The following AHCTF1 variants were observed in gnomAD, a reference collection of about 807,000 sequenced individuals.
AHCTF1 encodes protein ELYS.
AHCTF1 carries 24 observed loss-of-function variants against 248.4 expected under a neutral mutation model. The ratio of observed to expected loss-of-function variants is 0.10; its 90% confidence interval spans 0.07 to 0.14. AHCTF1 has a LOEUF of 0.14. Ranked by LOEUF, AHCTF1 falls within the 10% of genes least tolerant of loss-of-function variation. The pLI, the probability that AHCTF1 is intolerant of heterozygous loss-of-function variation, is 1.00. For missense variants in AHCTF1, 2,206 were observed against 2,636.2 expected (o/e 0.84, Z 3.57); for synonymous variants, 786 against 929.8 (o/e 0.85, Z 2.81).
chr1:246,877,320 CAA>C lies in AHCTF1; in HGVS notation c.2661-20_2661-19del. 1.9e-6 allele frequency: 3 copies of C among 1,541,234 alleles called. No homozygotes were observed. The highest frequency in any genetic ancestry group is 2.3e-5 in the East Asian group (1 of 43,916). On this transcript the variant is annotated intron_variant, in intron 21 of 35. Coordinates refer to ENST00000648844, the MANE Select transcript of AHCTF1 (RefSeq NM_001323342.2). ...CCATACACCTGAAAGCAGTATTTAT[CAA>C]AGTTTAGTTTTAGAAAAAGCTATTT...
intron 4 of AHCTF1, among the ~76,000 whole-genome samples, chr1:246,910,630 A>C (rs1283443712): frequency 1.3e-5 from 2 of 152,168 alleles, no homozygotes; most frequent in Admixed American, 6.5e-5. Flanking sequence ...ATCTTCAATA[A>C]AAAAATTTAA....
At chr1:246,894,809 T>C (rs1664454771) in intron 13 of AHCTF1, 61 bp from the exon 14 acceptor site, 5 of 1,437,488 alleles carry the variant, frequency 3.5e-6, no homozygotes, top group South Asian at 1.2e-5. Context: ...GAGTTCTAAA[T>C]TGTTGGTGGA....
intron 34 of AHCTF1, 69 bp downstream of exon 34, chr1:246,843,726 T>C: frequency 9.9e-7 from 1 of 1,009,698 alleles, no homozygotes. Context: ...AAAATAATTT[T>C]ATTAAAACAT....
chr1:246,927,757 T>G (rs1262847287), intron 1 of AHCTF1, among the ~76,000 whole-genome samples: 1 of 151,754 alleles, frequency 6.6e-6, no homozygotes, highest in African/African-American at 2.4e-5. Context: ...GTAATCCCAG[T>G]ACTTTGGGAG....
At chr1:246,889,848 C>G (rs1474054193) in intron 17 of AHCTF1, 118 bp downstream of exon 17, 2 of 677,086 alleles carry the variant, frequency 3.0e-6, no homozygotes, top group African/African-American at 3.7e-5. Flanking sequence ...ATGGTAATAG[C>G]AAATTCTGAT....
intron 29 of AHCTF1, among the ~76,000 whole-genome samples, chr1:246,859,033 T>A (rs1661321503): frequency 6.6e-6 from 1 of 152,134 alleles, no homozygotes; most frequent in South Asian, 2.1e-4. Flanking sequence ...ATAGCCCCAC[T>A]GTACTCCATC....
Position 246,849,600 on chromosome 1 carries a change from G to GAGAA in AHCTF1, c.6391+11_6391+14dup. ...GACTGAGATGAAAAACTGTTTTGCA[G>GAGAA]AGAAAGAAAAGTACCTTTTGCTTTC... On this transcript the variant is annotated intron_variant, in intron 33 of 35. Coordinates refer to ENST00000648844, the MANE Select transcript of AHCTF1 (RefSeq NM_001323342.2). 1 of 1,583,030 alleles carries GAGAA rather than the reference G, an allele frequency of 6.3e-7. No homozygotes were observed. The highest frequency in any genetic ancestry group is 8.6e-7 in the Non-Finnish European group (1 of 1,164,822).
intron 24 of AHCTF1, 82 bp from the exon 25 acceptor site, chr1:246,867,893 C>CCT: frequency 4.4e-6 from 2 of 455,152 alleles, no homozygotes; most frequent in Non-Finnish European, 3.2e-6. Flanking sequence ...ATGATTACAC[C>CCT]CCCCCCCCCA....
chr1:246,849,897 C>T lies in AHCTF1; in HGVS notation c.6109G>A (p.Glu2037Lys). The change falls in exon 33 of 36, where the codon GAA (glutamate) becomes AAA (lysine). Residue 2037 changes from glutamate (E) to lysine (K), a missense_variant. Glu to Lys is a moderately conservative substitution (Grantham distance 56). Coordinates refer to ENST00000648844, the MANE Select transcript of AHCTF1 (RefSeq NM_001323342.2). ...TTAGAGCTCATCACCATCGAAAGTT[C>T]CTCGTTTGGCACTAAAATGGATTTT... Reference protein sequence around the residue: ...LGKSILVPNEELSMVMSSKKK... With the variant: ...LGKSILVPNEKLSMVMSSKKK... 6.2e-7 allele frequency: 1 copy of T among 1,613,782 alleles called. No individual in the cohort carries two copies.
At chr1:246,857,482 C>T (rs186442971) in intron 30 of AHCTF1, among the ~76,000 whole-genome samples, 60 of 152,224 alleles carry the variant, frequency 3.9e-4, no homozygotes, top group Non-Finnish European at 4.4e-5. Context: ...CTCAATTTAC[C>T]GTGTCTCTGT....
chr1:246,887,412 A>C, intron 19 of AHCTF1, 55 bp from the exon 20 acceptor site: 1 of 1,510,852 alleles, frequency 6.6e-7, no homozygotes. Flanking sequence ...CCTCCTACGT[A>C]TATATTTACA....
chr1:246,885,821 C>T (rs766292499), intron 20 of AHCTF1, 141 bp from the exon 21 acceptor site: 6 of 776,594 alleles, frequency 7.7e-6, no homozygotes, highest in Non-Finnish European at 1.2e-5. Flanking sequence ...TTAATCTGTG[C>T]TATATAGAGT....
intron 30 of AHCTF1, among the ~76,000 whole-genome samples, chr1:246,857,485 GTC>G (rs1558218270): frequency 1.3e-5 from 2 of 152,234 alleles, no homozygotes; most frequent in East Asian, 1.9e-4. Context: ...AATTTACCGT[GTC>G]TCTGTATATT....
Position 246,854,126 on chromosome 1 carries a change from T to C in AHCTF1, c.4355-827A>G, listed in dbSNP as rs866401057. Among the ~76,000 whole-genome samples the C allele has an allele frequency of 3.3e-5, 5 of 152,042 alleles. No homozygotes were observed. The East Asian group carries it at 7.7e-4, about 24-fold the overall frequency. ...CACCCTGGCTAACACGGTGAAACCC[T>C]GTCTCCACTAAAAATACAAAAAATT... is the stretch of plus-strand genomic sequence containing the variant. On this transcript the variant is annotated intron_variant, in intron 31 of 35. Coordinates refer to ENST00000648844, the MANE Select transcript of AHCTF1 (RefSeq NM_001323342.2).
chr1:246,841,592 G>A (rs1012144771), intron 35 of AHCTF1, among the ~76,000 whole-genome samples: 1 of 152,134 alleles, frequency 6.6e-6, no homozygotes, highest in African/African-American at 2.4e-5. Flanking sequence ...ATCTTCCCAT[G>A]CATGCAGTTT....
At chr1:246,931,353 T>C in intron 1 of AHCTF1, 1 of 1,539,796 alleles carries the variant, frequency 6.5e-7, no homozygotes, top group Non-Finnish European at 8.7e-7. Context: ...CGGTCCGAGA[T>C]TATGTAACGA....
Position 246,876,023 on chromosome 1 carries a change from A to G in AHCTF1, c.3088+14T>C. ...GATCCAATAGATTATGATATTCTTCAATGAAATTCTTACCTAATCGAAAAA... is the reference window on the plus strand; with the variant it reads ...GATCCAATAGATTATGATATTCTTCGATGAAATTCTTACCTAATCGAAAAA... On this transcript the variant is annotated intron_variant, in intron 24 of 35. Transcript: ENST00000648844. 2 of 1,572,942 alleles carry G rather than the reference A, an allele frequency of 1.3e-6. No individual in the cohort carries two copies. The highest frequency in any genetic ancestry group is 1.7e-6 in the Non-Finnish European group (2 of 1,157,812).
At chr1:246,930,792 C>T (rs1407648790) in intron 1 of AHCTF1, among the ~76,000 whole-genome samples, 2 of 152,120 alleles carry the variant, frequency 1.3e-5, no homozygotes, top group East Asian at 1.9e-4. Flanking sequence ...AAAGGATTTA[C>T]GTTTTGTTCT....
Position 246,849,848 on chromosome 1 carries a change from T to C in AHCTF1, c.6158A>G (p.Glu2053Gly), listed in dbSNP as rs776905203. 7 of 1,613,752 alleles carry C rather than the reference T, an allele frequency of 4.3e-6. No individual in the cohort carries two copies. Residue 2053 changes from glutamate (E) to glycine (G), a missense_variant, in exon 33 of 36, where the codon GAA becomes GGA. Glu to Gly is a moderately conservative substitution (Grantham distance 98). Transcript: ENST00000648844. The part of the protein sequence containing the change: ...SSKKKLTKKT[E>G]SQSQKRSLHS... The stretch of plus-strand genomic sequence containing the variant: ...CAATGAACGTTTTTGGCTTTGACTT[T>C]CAGTCTTTTTTGTAAGTTTTTTCTT...
Sources: allele counts gnomAD v4.1 joint callset (sites outside exome capture counted in the v4.1 genomes callset), GRCh38; gene constraint gnomAD v4.1.1; transcripts MANE v1.5; gene names NCBI Gene and HGNC (gene_info 2026-07-23, HGNC 2026-07-21).